Variants in GNAO1 observed in about 807,000 individuals in gnomAD.
The protein encoded by GNAO1 is G protein subunit alpha o1.
For synonymous variants in GNAO1, 164 were observed against 180.7 expected (o/e 0.91, Z 0.74); for missense variants, 166 against 478.7 (o/e 0.35, Z 6.10).
intron 4 of GNAO1, among the ~76,000 whole-genome samples, chr16:56,330,479 C>CA (rs11403773): frequency 0.76 from 114,698 of 151,352 alleles, 43,973 homozygotes; most frequent in East Asian, 0.83. Flanking sequence ...AATCCATTAC[C>CA]AAAAAAAAAT....
chr16:56,277,186 C>T (rs1276773548), intron 3 of GNAO1, among the ~76,000 whole-genome samples: 1 of 152,198 alleles, frequency 6.6e-6, no homozygotes, highest in African/African-American at 2.4e-5. Context: ...AGGGTATGTC[C>T]GAGGCCAGCC....
chr16:56,346,452 A>T (rs2037870657), intron 6 of GNAO1: 1 of 985,056 alleles, frequency 1.0e-6, no homozygotes, highest in Non-Finnish European at 1.2e-6. Context: ...AAACTCATGA[A>T]AATTGTGCCT....
intron 3 of GNAO1, among the ~76,000 whole-genome samples, chr16:56,322,414 T>C (rs371694173): frequency 2.6e-5 from 4 of 152,274 alleles, no homozygotes; most frequent in Admixed American, 6.5e-5. Flanking sequence ...GGAGGAGCCT[T>C]GGATGGGAAA....
At chr16:56,230,059 C>T (rs1192280157) in intron 2 of GNAO1, among the ~76,000 whole-genome samples, 1 of 152,128 alleles carries the variant, frequency 6.6e-6, no homozygotes, top group Non-Finnish European at 1.5e-5. Flanking sequence ...AAACAAACTC[C>T]TCCTGTTTGT....
At chr16:56,336,955 A>G (rs2037746249) in intron 6 of GNAO1, 95 bp downstream of exon 6, 2 of 1,220,570 alleles carry the variant, frequency 1.6e-6, no homozygotes, top group East Asian at 2.6e-5. Flanking sequence ...GGTGCCCACA[A>G]TGGCTCTGGG....
chr16:56,317,935 A>T (rs2037528231), intron 3 of GNAO1, among the ~76,000 whole-genome samples: 1 of 152,150 alleles, frequency 6.6e-6, no homozygotes, highest in Admixed American at 6.5e-5. Context: ...GACGTTCTGT[A>T]GGCGCAGGCC....
chr16:56,342,209 G>T (rs2037812810), intron 6 of GNAO1, among the ~76,000 whole-genome samples: 3 of 152,222 alleles, frequency 2.0e-5, no homozygotes, highest in Admixed American at 6.5e-5. Flanking sequence ...ACCAAGGCCA[G>T]TGTGGGCCTG....
intron 2 of GNAO1, among the ~76,000 whole-genome samples, chr16:56,220,559 A>G (rs765377833): frequency 4.1e-4 from 62 of 150,920 alleles, no homozygotes; most frequent in Non-Finnish European, 2.7e-4. Flanking sequence ...ATGCTCCTGC[A>G]TTTTTTAATT....
intron 2 of GNAO1, among the ~76,000 whole-genome samples, chr16:56,237,582 A>C (rs1288527204): frequency 6.6e-6 from 1 of 152,214 alleles, no homozygotes; most frequent in Non-Finnish European, 1.5e-5. Flanking sequence ...CAGCCGGTCC[A>C]TTTCCAAACT....
At chr16:56,247,944 TCA>T (rs1434024533) in intron 2 of GNAO1, among the ~76,000 whole-genome samples, 24 of 152,228 alleles carry the variant, frequency 1.6e-4, no homozygotes, top group African/African-American at 5.5e-4. Context: ...ATGTGCATTC[TCA>T]CACACATTGG....
At chr16:56,220,790 C>G (rs1450716947) in intron 2 of GNAO1, among the ~76,000 whole-genome samples, 2 of 152,096 alleles carry the variant, frequency 1.3e-5, no homozygotes, top group African/African-American at 4.8e-5. Flanking sequence ...CCCTGTCACC[C>G]AGGCTGGAGT....
At chr16:56,335,586 G>A (rs1169274576) in intron 5 of GNAO1, among the ~76,000 whole-genome samples, 1 of 152,176 alleles carries the variant, frequency 6.6e-6, no homozygotes, top group Non-Finnish European at 1.5e-5. Context: ...ACTCCTGCCC[G>A]CTCCTGTTCA....
chr16:56,335,204 A>G (rs1412245660), intron 5 of GNAO1, among the ~76,000 whole-genome samples: 1 of 152,168 alleles, frequency 6.6e-6, no homozygotes, highest in Non-Finnish European at 1.5e-5. Context: ...AGGAGCCAAG[A>G]GTGGGGCTGG....
At chr16:56,228,179 G>A (rs756088976) in intron 2 of GNAO1, among the ~76,000 whole-genome samples, 5 of 152,178 alleles carry the variant, frequency 3.3e-5, no homozygotes, top group Non-Finnish European at 5.9e-5. Flanking sequence ...ATCTGCCTCC[G>A]TCTGCACAGT....
chr16:56,254,130 A>T (rs1471072438), intron 2 of GNAO1, among the ~76,000 whole-genome samples: 2 of 152,156 alleles, frequency 1.3e-5, no homozygotes, highest in African/African-American at 4.8e-5. Flanking sequence ...ATCTGTGATC[A>T]AGTTTTGTAA....
At chr16:56,259,183 G>T (rs1240153643) in intron 2 of GNAO1, among the ~76,000 whole-genome samples, 1 of 152,192 alleles carries the variant, frequency 6.6e-6, no homozygotes, top group Non-Finnish European at 1.5e-5. Context: ...AGCCCCTCAG[G>T]AATGAGAGCA....
chr16:56,297,572 T>TGTGTGTATGC (rs56354263), intron 3 of GNAO1, among the ~76,000 whole-genome samples: 1 of 132,656 alleles, frequency 7.5e-6, no homozygotes, highest in Non-Finnish European at 1.7e-5. Context: ...TGTGTGTGTG[T>TGTGTGTATGC]ATGCATGTGT....
At chr16:56,249,153 TGA>T (rs199503209) in intron 2 of GNAO1, among the ~76,000 whole-genome samples, 1,825 of 152,106 alleles carry the variant, frequency 0.012, 35 homozygotes, top group African/African-American at 0.041. Context: ...AATGTAGGTG[TGA>T]GAGAAAGAGA....
intron 2 of GNAO1, among the ~76,000 whole-genome samples, chr16:56,269,496 T>G (rs1196405783): frequency 1.3e-5 from 2 of 152,194 alleles, no homozygotes; most frequent in Non-Finnish European, 2.9e-5. Context: ...TGCTGGGCAC[T>G]CTACATGGAT....
Sources: allele counts gnomAD v4.1 joint callset (sites outside exome capture counted in the v4.1 genomes callset), GRCh38; gene constraint gnomAD v4.1.1; transcripts MANE v1.5; gene names NCBI Gene and HGNC (gene_info 2026-07-23, HGNC 2026-07-21).